The following KAZN variants were observed in gnomAD, a reference collection of about 807,000 sequenced individuals.
KAZN encodes kazrin.
Under a neutral mutation model 87.4 loss-of-function variants are expected in KAZN, and 40 were observed. The observed-to-expected ratio is 0.46, with a 90% CI of 0.36 to 0.60. The LOEUF is 0.60. Ranked by LOEUF, KAZN falls within the 20% of genes least tolerant of loss-of-function variation. The pLI is 0.00. For missense variants in KAZN, 898 were observed against 1,073.9 expected (o/e 0.84, Z 2.29); for synonymous variants, 466 against 458.3 (o/e 1.02, Z -0.22).
At chr1:14,885,912 A>G (rs1653987998) in intron 1 of KAZN, among the ~76,000 whole-genome samples, 1 of 152,134 alleles carries the variant, frequency 6.6e-6, no homozygotes, top group Non-Finnish European at 1.5e-5. Flanking sequence ...CTTCAGATCC[A>G]TGATGTACAT....
At chr1:13,969,475 C>G (rs1642061900) in intron 1 of KAZN, among the ~76,000 whole-genome samples, 1 of 152,164 alleles carries the variant, frequency 6.6e-6, no homozygotes, top group Admixed American at 6.6e-5. Flanking sequence ...TACCAGCAAA[C>G]CACTGGAAGC....
At chr1:14,639,438 G>A (rs1198849415) in intron 1 of KAZN, among the ~76,000 whole-genome samples, 1 of 152,184 alleles carries the variant, frequency 6.6e-6, no homozygotes, top group South Asian at 2.1e-4. Flanking sequence ...GTGGTCAAAT[G>A]TCCCCTGTGG....
At position 14,599,204 on chromosome 1, in the gene KAZN, C is replaced by A; in HGVS notation, c.207C>A (p.Asn69Lys). The change falls in exon 1 of 15, where the codon AAC becomes AAA. Residue 69 changes from asparagine to lysine, a missense_variant. Coordinates refer to ENST00000376030, the MANE Select transcript of KAZN (RefSeq NM_201628.3). The surrounding 1 kb of genome is among the most constrained non-coding windows in gnomAD (Gnocchi z 4.4). ...AGDSAATNME[N>K]PQLGAQVLLR... ...ACTCGGCGGCGACGAACATGGAGAA[C>A]CCCCAGCTTGGAGCGCAAGGTAGGA... 1 of 1,402,682 alleles carries A rather than the reference C, an allele frequency of 7.1e-7. No individual in the cohort carries two copies. Among genetic ancestry groups the A allele is most frequent in the Non-Finnish European group, 9.3e-7 (1 of 1,080,546 alleles). The allele number at this position is 1,402,682 out of a possible 1,614,324, so 86.9% of individuals were successfully genotyped here. A position where few individuals can be genotyped will look rare whatever the true frequency, so the allele number is the denominator to read the frequency against.
intron 1 of KAZN, among the ~76,000 whole-genome samples, chr1:14,103,119 C>T (rs940551144): frequency 1.3e-4 from 20 of 152,026 alleles, no homozygotes; most frequent in African/African-American, 4.3e-4. Context: ...GAGGGTCTCA[C>T]CATGTTGGCC....
At chr1:14,143,920 G>A (rs558055292) in intron 1 of KAZN, among the ~76,000 whole-genome samples, 73 of 152,144 alleles carry the variant, frequency 4.8e-4, no homozygotes, top group Admixed American at 2.8e-3. Flanking sequence ...GTATTACCAC[G>A]TTGGCCAGGC....
intron 2 of KAZN, among the ~76,000 whole-genome samples, chr1:14,982,506 T>C (rs1015497178): frequency 2.1e-5 from 3 of 140,824 alleles, no homozygotes; most frequent in African/African-American, 8.0e-5. Context: ...CTCAGCTCAC[T>C]GCAACCTCTG....
In KAZN at chr1:14,769,322, A is replaced by G. The variant is rs1644963061; in HGVS notation, c.226+170099A>G. 6.6e-6 allele frequency among the ~76,000 whole-genome samples: 1 copy of G among 152,084 alleles called. No individual in the cohort carries two copies. Among genetic ancestry groups the G allele is most frequent in the Non-Finnish European group, 1.5e-5 (1 of 68,014 alleles). ...TTGGAAAGTCCCCTGAGTGTAGGGAACTATACCTTGGTCAGATTTTTCACC... is the reference window on the plus strand; with the variant it reads ...TTGGAAAGTCCCCTGAGTGTAGGGAGCTATACCTTGGTCAGATTTTTCACC... On this transcript the variant is annotated intron_variant, in intron 1 of 14. Transcript: ENST00000376030. This position sits in a 1 kb window ranked among gnomAD's most constrained non-coding sequence, Gnocchi z 4.1.
intron 1 of KAZN, among the ~76,000 whole-genome samples, chr1:14,025,923 G>T (rs6671077): frequency 0.032 from 4,910 of 152,138 alleles, 221 homozygotes; most frequent in African/African-American, 0.11. Flanking sequence ...TCTTCAACTG[G>T]ATGCAGAGTA....
intron 1 of KAZN, among the ~76,000 whole-genome samples, chr1:14,935,108 G>T (rs1431999680): frequency 6.6e-6 from 1 of 152,204 alleles, no homozygotes; most frequent in Admixed American, 6.5e-5. Flanking sequence ...TGACCAAGGG[G>T]CAAACCTGCA....
At chr1:15,043,502 A>T (rs1020257852) in intron 3 of KAZN, among the ~76,000 whole-genome samples, 4 of 152,134 alleles carry the variant, frequency 2.6e-5, no homozygotes, top group African/African-American at 9.7e-5. Context: ...AAAAGGGTTT[A>T]ATGAGTGTCT....
chr1:14,503,887 G>A (rs1057206184), intron 2 of KAZN, among the ~76,000 whole-genome samples: 2 of 152,118 alleles, frequency 1.3e-5, no homozygotes, highest in African/African-American at 4.8e-5. Flanking sequence ...CCCCTGGTCT[G>A]ATCACATCAT....
In KAZN at chr1:14,599,489, T is replaced by C. The variant is rs1479530370; in HGVS notation, c.226+266T>C. On this transcript the variant is annotated intron_variant, in intron 1 of 14. Transcript: ENST00000376030. The surrounding 1 kb of genome is among the most constrained non-coding windows in gnomAD (Gnocchi z 4.4). ...GCCTGAGCGAGGCGCAGCCGGCGGG[T>C]CCCTTCCGGCATCAGAAAGTGCCCT... Among the ~76,000 whole-genome samples the C allele has an allele frequency of 2.6e-5, 4 of 151,886 alleles. No individual in the cohort carries two copies. The highest frequency in any genetic ancestry group is 2.0e-4 in the Admixed American group (3 of 15,262).
At chr1:14,416,149 T>C (rs1285487491) in intron 2 of KAZN, among the ~76,000 whole-genome samples, 1 of 152,164 alleles carries the variant, frequency 6.6e-6, no homozygotes, top group Non-Finnish European at 1.5e-5. Context: ...GGGGCTGTAG[T>C]AGCATTTGCA....
At position 14,103,849 on chromosome 1, in the gene KAZN, C is replaced by A. The variant is rs150232821; in HGVS notation, c.92-76586C>A. ...TATGCACAGGTTCCGGGGATTAGTA[C>A]GGAGACATCGTTGGGGGCCATTATT... On this transcript the variant is annotated intron_variant, in intron 1 of 16. Coordinates refer to the KAZN transcript ENST00000636203. 5.3e-5 allele frequency among the ~76,000 whole-genome samples: 8 copies of A among 152,260 alleles called. No homozygotes were observed. In the East Asian group the frequency reaches 1.5e-3, roughly 29 times the overall value.
intron 13 of KAZN, among the ~76,000 whole-genome samples, chr1:15,108,563 A>G (rs1156796196): frequency 6.6e-6 from 1 of 152,218 alleles, no homozygotes; most frequent in Non-Finnish European, 1.5e-5. Flanking sequence ...CCCAGCACGT[A>G]GTGGGTGGCC....
At chr1:14,630,014 A>T (rs1248501214) in intron 1 of KAZN, among the ~76,000 whole-genome samples, 1 of 146,504 alleles carries the variant, frequency 6.8e-6, no homozygotes, top group Non-Finnish European at 1.5e-5. Flanking sequence ...GCTAGGGTTG[A>T]TTTTCAGCTA....
rs185371320 is a variant in KAZN at position 14,776,467 on chromosome 1, C to T, written c.226+177244C>T. Among the ~76,000 whole-genome samples, 6 of 152,326 alleles carry T rather than the reference C, an allele frequency of 3.9e-5. No homozygotes were observed. In the East Asian group the frequency reaches 5.8e-4, roughly 15 times the overall value. ...ACTGCATCCACTGCACCCAACTAAGCGCTCTTCATCCAGGCTGGACACAAG... is the reference window on the plus strand; with the variant it reads ...ACTGCATCCACTGCACCCAACTAAGTGCTCTTCATCCAGGCTGGACACAAG... On this transcript the variant is annotated intron_variant, in intron 1 of 14. Coordinates refer to ENST00000376030, the MANE Select transcript of KAZN (RefSeq NM_201628.3).
chr1:14,334,386 A>G (rs1423169953), intron 2 of KAZN, among the ~76,000 whole-genome samples: 1 of 148,556 alleles, frequency 6.7e-6, no homozygotes, highest in East Asian at 2.1e-4. Flanking sequence ...AAAAAAAAAA[A>G]AAAAGGAAAT....
intron 1 of KAZN, among the ~76,000 whole-genome samples, chr1:14,907,171 G>GA (rs1444960388): frequency 6.6e-6 from 1 of 151,916 alleles, no homozygotes; most frequent in Admixed American, 6.6e-5. Flanking sequence ...CGAGGCTGGT[G>GA]GATCACTTGA....
Sources: gnomAD v4.1 joint callset for allele counts (sites outside exome capture counted in the v4.1 genomes callset) on GRCh38, gnomAD v4.1.1 for gene constraint, Gnocchi (gnomAD v3.1) non-coding constraint, MANE v1.5 for transcripts, NCBI Gene and HGNC (gene_info 2026-07-23, HGNC 2026-07-21) for gene names.